OPCML: variants seen among roughly 807,000 people sequenced by gnomAD.
OPCML encodes the protein opioid binding protein/cell adhesion molecule like.
Under a neutral mutation model 37.8 loss-of-function variants are expected in OPCML, and 13 were observed. The ratio of observed to expected loss-of-function variants is 0.34; its 90% CI spans 0.22 to 0.55. The LOEUF (loss-of-function observed/expected upper bound fraction) is 0.55. Ranked by LOEUF, OPCML falls within the 20% of genes least tolerant of loss-of-function variation. The probability of loss-of-function intolerance (pLI) is 0.91; values close to 1 mark genes in which losing one functional copy is unlikely to be tolerated. For synonymous variants in OPCML, 176 were observed against 168.8 expected (o/e 1.04, Z -0.33); for missense variants, 341 against 435.6 (o/e 0.78, Z 1.93).
At chr11:132,862,910 C>T (rs1013636290) in intron 2 of OPCML, among the ~76,000 whole-genome samples, 1 of 152,306 alleles carries the variant, frequency 6.6e-6, no homozygotes, top group South Asian at 2.1e-4. Flanking sequence ...AAAAAGCTAA[C>T]CCTTTATGCA....
chr11:132,670,883 A>C (rs1459420583), intron 2 of OPCML, among the ~76,000 whole-genome samples: 1 of 151,698 alleles, frequency 6.6e-6, no homozygotes, highest in Non-Finnish European at 1.5e-5. Flanking sequence ...TCATCTCTCC[A>C]TCTACACATA....
chr11:133,425,834 T>A, intron 1 of OPCML, among the ~76,000 whole-genome samples: 1 of 152,352 alleles, frequency 6.6e-6, no homozygotes, highest in East Asian at 1.9e-4. Context: ...TTAATATTTT[T>A]CACCTATAAT....
intron 4 of OPCML, among the ~76,000 whole-genome samples, chr11:132,522,244 T>C (rs1327929003): frequency 6.6e-6 from 1 of 152,180 alleles, no homozygotes; most frequent in East Asian, 1.9e-4. Context: ...ACATTTGCCT[T>C]TTTGCCTATC....
intron 3 of OPCML, among the ~76,000 whole-genome samples, chr11:132,599,320 G>A (rs533844091): frequency 7.1e-4 from 104 of 146,916 alleles, no homozygotes; most frequent in African/African-American, 2.3e-3. Flanking sequence ...GAAGAAGGAG[G>A]AGGAGAAGAA....
intron 1 of OPCML, among the ~76,000 whole-genome samples, chr11:133,094,475 G>A (rs1948966622): frequency 6.6e-6 from 1 of 152,268 alleles, no homozygotes; most frequent in Middle Eastern, 3.4e-3. Flanking sequence ...CAGTTTGTCA[G>A]TCCTTTCAAT....
chr11:132,437,565 G>T, intron 4 of OPCML: 1 of 725,584 alleles, frequency 1.4e-6, no homozygotes, highest in Non-Finnish European at 1.7e-6. Flanking sequence ...TTGCATCAAT[G>T]TATTTTCAGT....
chr11:132,769,478 C>T (rs1375044683), intron 2 of OPCML, among the ~76,000 whole-genome samples: 2 of 152,180 alleles, frequency 1.3e-5, no homozygotes, highest in Non-Finnish European at 2.9e-5. Context: ...AGACAAAGTA[C>T]CTTCCTCAAC....
At chr11:133,134,579 G>A (rs1315096310) in intron 1 of OPCML, among the ~76,000 whole-genome samples, 1 of 152,194 alleles carries the variant, frequency 6.6e-6, no homozygotes, top group East Asian at 1.9e-4. Flanking sequence ...GATGACTCTT[G>A]GCCCTCTCTT....
intron 1 of OPCML, among the ~76,000 whole-genome samples, chr11:132,980,223 C>T (rs1373084733): frequency 1.3e-5 from 2 of 152,130 alleles, no homozygotes; most frequent in Non-Finnish European, 2.9e-5. Flanking sequence ...TCAGTAACCT[C>T]TAGCTAGAAC....
intron 7 of OPCML, chr11:132,435,342 C>T (rs2096009476): frequency 3.3e-6 from 2 of 609,672 alleles, no homozygotes; most frequent in Non-Finnish European, 4.1e-6. Context: ...TCTCTTCATC[C>T]TTCATCCTCT....
At chr11:133,249,642 T>C (rs1189414118) in intron 1 of OPCML, among the ~76,000 whole-genome samples, 1 of 152,146 alleles carries the variant, frequency 6.6e-6, no homozygotes, top group East Asian at 1.9e-4. Context: ...ACTACCCATT[T>C]CTAATCTATC....
chr11:132,505,240 A>T (rs1330976257), intron 4 of OPCML, among the ~76,000 whole-genome samples: 4 of 146,540 alleles, frequency 2.7e-5, no homozygotes, highest in African/African-American at 5.0e-5. Context: ...GTATTGAGAA[A>T]ATACTGTGGA....
intron 2 of OPCML, among the ~76,000 whole-genome samples, chr11:132,775,263 G>A (rs1332839546): frequency 6.6e-6 from 1 of 152,170 alleles, no homozygotes; most frequent in Non-Finnish European, 1.5e-5. Flanking sequence ...GCTACTTGTA[G>A]TTGGAGCTTT....
intron 1 of OPCML, among the ~76,000 whole-genome samples, chr11:133,082,345 G>A (rs1948737529): frequency 6.7e-6 from 1 of 150,330 alleles, no homozygotes; most frequent in Non-Finnish European, 1.5e-5. Context: ...GTCTGCCCAA[G>A]GCAGAGGACC....
At chr11:133,025,528 A>G (rs1947536349) in intron 1 of OPCML, 2 of 938,724 alleles carry the variant, frequency 2.1e-6, no homozygotes, top group Non-Finnish European at 2.5e-6. Flanking sequence ...TTCGGTTGAA[A>G]GCAAAGCTGA....
chr11:133,146,097 A>G (rs372113672), intron 1 of OPCML, among the ~76,000 whole-genome samples: 105 of 152,272 alleles, frequency 6.9e-4, no homozygotes, highest in African/African-American at 2.4e-3. Context: ...CTCTAGGCTT[A>G]CTGTGCCTGT....
intron 2 of OPCML, among the ~76,000 whole-genome samples, chr11:132,900,465 C>G (rs1944016620): frequency 6.6e-6 from 1 of 152,196 alleles, no homozygotes; most frequent in African/African-American, 2.4e-5. Context: ...CAGGTGCACT[C>G]AGGCCCACTG....
intron 1 of OPCML, among the ~76,000 whole-genome samples, chr11:133,191,148 A>G (rs1417089129): frequency 6.6e-6 from 1 of 151,874 alleles, no homozygotes; most frequent in Non-Finnish European, 1.5e-5. Flanking sequence ...AATACTGGCT[A>G]TTATCTGTCT....
At chr11:132,765,441 T>C (rs1175666945) in intron 2 of OPCML, among the ~76,000 whole-genome samples, 2 of 152,236 alleles carry the variant, frequency 1.3e-5, no homozygotes, top group African/African-American at 4.8e-5. Context: ...CCACGAGGCA[T>C]GAGAATCTAT....
Sources: allele counts gnomAD v4.1 joint callset (sites outside exome capture counted in the v4.1 genomes callset), GRCh38; gene constraint gnomAD v4.1.1; transcripts MANE v1.5; gene names NCBI Gene and HGNC (gene_info 2026-07-23, HGNC 2026-07-21).